The following EXOC6B variants were observed in gnomAD, a reference collection of about 807,000 sequenced individuals.
The protein encoded by EXOC6B is exocyst complex component 6B.
A neutral mutation model predicts 113.5 loss-of-function variants in EXOC6B; 54 were observed. The observed-to-expected ratio is 0.48, with a 90% CI of 0.38 to 0.60. The LOEUF (loss-of-function observed/expected upper bound fraction) is 0.60. EXOC6B is among the 20% of genes least tolerant of loss of function. EXOC6B has a pLI of 0.00. For missense variants in EXOC6B, 797 were observed against 977.5 expected (o/e 0.82, Z 2.46); for synonymous variants, 357 against 339.0 (o/e 1.05, Z -0.58).
chr2:72,261,093 A>T (rs1015511898), intron 20 of EXOC6B, among the ~76,000 whole-genome samples: 2 of 152,198 alleles, frequency 1.3e-5, no homozygotes, highest in Non-Finnish European at 2.9e-5. Flanking sequence ...GAAAAAAGTA[A>T]TCACTCCAAA....
At chr2:72,417,176 C>G (rs1177176462) in intron 18 of EXOC6B, among the ~76,000 whole-genome samples, 1 of 152,184 alleles carries the variant, frequency 6.6e-6, no homozygotes, top group African/African-American at 2.4e-5. Flanking sequence ...AGTTTCAATT[C>G]TTGCTCAAAT....
intron 6 of EXOC6B, among the ~76,000 whole-genome samples, chr2:72,695,161 T>G (rs1232474577): frequency 2.0e-5 from 3 of 152,200 alleles, no homozygotes; most frequent in Non-Finnish European, 4.4e-5. Context: ...TTAATCTCTC[T>G]GGCTACATGG....
At chr2:72,532,889 T>C (rs925188346) in intron 8 of EXOC6B, among the ~76,000 whole-genome samples, 6 of 151,988 alleles carry the variant, frequency 3.9e-5, no homozygotes, top group Non-Finnish European at 8.8e-5. Context: ...ACAGACATAG[T>C]AGCTATCAAG....
intron 20 of EXOC6B, among the ~76,000 whole-genome samples, chr2:72,299,955 T>C (rs1412532994): frequency 6.6e-6 from 1 of 152,198 alleles, no homozygotes. Context: ...GAGGTGTCTG[T>C]TGGCCCCTAG....
Position 72,257,843 on chromosome 2 carries a change from A to G in EXOC6B, c.2197-73656T>C, listed in dbSNP as rs529819235. On this transcript the variant is annotated intron_variant, in intron 20 of 21. Coordinates refer to ENST00000272427, the MANE Select transcript of EXOC6B (RefSeq NM_015189.3). ...TACGAGGTTGATGGGAGGGGGTCACATGGTCCCAGACAGTTTTCTAGTTCC... is the reference window on the plus strand; with the variant it reads ...TACGAGGTTGATGGGAGGGGGTCACGTGGTCCCAGACAGTTTTCTAGTTCC... Among the ~76,000 whole-genome samples the G allele has an allele frequency of 1.9e-4, 29 of 152,282 alleles. 1 individual carries two copies. The highest frequency in any genetic ancestry group is 4.1e-4 in the South Asian group (2 of 4,820).
chr2:72,698,979 C>T (rs928377303), intron 6 of EXOC6B, among the ~76,000 whole-genome samples: 1 of 152,172 alleles, frequency 6.6e-6, no homozygotes, highest in Non-Finnish European at 1.5e-5. Flanking sequence ...ATCTAGAGGG[C>T]TCTCACAAGA....
intron 6 of EXOC6B, among the ~76,000 whole-genome samples, chr2:72,710,237 C>CA (rs1679186207): frequency 6.6e-6 from 1 of 151,888 alleles, no homozygotes; most frequent in East Asian, 1.9e-4. Context: ...GTTAAATGAA[C>CA]AAAAAATAAA....
chr2:72,237,121 G>A (rs1682009056), intron 20 of EXOC6B, among the ~76,000 whole-genome samples: 1 of 152,168 alleles, frequency 6.6e-6, no homozygotes, highest in Admixed American at 6.5e-5. Flanking sequence ...CCCTTAGGTA[G>A]CTCATTCATT....
At chr2:72,474,374 T>G (rs1015914516) in intron 17 of EXOC6B, among the ~76,000 whole-genome samples, 14 of 152,120 alleles carry the variant, frequency 9.2e-5, no homozygotes, top group African/African-American at 3.4e-4. Flanking sequence ...CTTTTTTATT[T>G]CTTTTTGCCT....
At chr2:72,588,631 C>T (rs914845655) in intron 6 of EXOC6B, among the ~76,000 whole-genome samples, 4 of 151,850 alleles carry the variant, frequency 2.6e-5, no homozygotes, top group African/African-American at 9.7e-5. Flanking sequence ...CTTAACACTA[C>T]TGAACTGTAC....
intron 1 of EXOC6B, among the ~76,000 whole-genome samples, chr2:72,792,857 T>C (rs1559006184): frequency 1.3e-5 from 2 of 152,298 alleles, no homozygotes; most frequent in East Asian, 3.9e-4. Context: ...TATTCTCCTT[T>C]ATATTTCACT....
At chr2:72,514,001 A>T (rs1701081352) in intron 10 of EXOC6B, among the ~76,000 whole-genome samples, 1 of 152,134 alleles carries the variant, frequency 6.6e-6, no homozygotes. Context: ...CAAAGTCATT[A>T]TTTTGCAATT....
chr2:72,431,491 A>ATCTATCTATCTATCTATCTATCTC (rs1205034050), intron 18 of EXOC6B, among the ~76,000 whole-genome samples: 78 of 144,238 alleles, frequency 5.4e-4, no homozygotes, highest in African/African-American at 1.8e-3. Flanking sequence ...TTCTTTATCT[A>ATCTATCTATCTATCTATCTATCTC]TCTATCTATC....
In EXOC6B at chr2:72,233,647, A is replaced by G. The variant is rs545672022; in HGVS notation, c.2197-49460T>C. Among the ~76,000 whole-genome samples the G allele has an allele frequency of 1.1e-4, 17 of 152,322 alleles. 1 individual carries two copies. The highest frequency in any genetic ancestry group is 3.6e-4 in the African/African-American group (15 of 41,586). On this transcript the variant is annotated intron_variant, in intron 20 of 21. Coordinates refer to ENST00000272427, the MANE Select transcript of EXOC6B (RefSeq NM_015189.3). ...CTCTACAAGCCTTAGGTCCTAGAGC[A>G]GACCAGAACCAGTGCCATAGCCTCA...
chr2:72,438,963 T>C (rs1225909943), intron 18 of EXOC6B, among the ~76,000 whole-genome samples: 1 of 152,152 alleles, frequency 6.6e-6, no homozygotes, highest in Non-Finnish European at 1.5e-5. Flanking sequence ...TATTAGGAAA[T>C]AGTAAGTTAA....
intron 6 of EXOC6B, among the ~76,000 whole-genome samples, chr2:72,669,875 C>T (rs1399712262): frequency 6.6e-6 from 1 of 152,298 alleles, no homozygotes; most frequent in Non-Finnish European, 1.5e-5. Flanking sequence ...TCCCTGTGGA[C>T]ATTCATGTAA....
At chr2:72,617,517 CT>C (rs201912352) in intron 6 of EXOC6B, among the ~76,000 whole-genome samples, 637 of 96,952 alleles carry the variant, frequency 6.6e-3, no homozygotes, top group African/African-American at 0.02. Flanking sequence ...AATCTTTTTT[CT>C]TTTTTTTTTT....
At chr2:72,823,946 G>A (rs1356366052) in intron 1 of EXOC6B, among the ~76,000 whole-genome samples, 3 of 152,174 alleles carry the variant, frequency 2.0e-5, no homozygotes, top group Non-Finnish European at 4.4e-5. Context: ...AGGAAAATGT[G>A]TGTAGGACCA....
intron 6 of EXOC6B, among the ~76,000 whole-genome samples, chr2:72,653,973 T>TA (rs199708279): frequency 0.099 from 3,078 of 31,216 alleles, 83 homozygotes; most frequent in Admixed American, 0.13. Context: ...TTTATTTATT[T>TA]TTTTTTTTTT....
Sources: gnomAD v4.1 joint callset for allele counts (sites outside exome capture counted in the v4.1 genomes callset) on GRCh38, gnomAD v4.1.1 for gene constraint, MANE v1.5 for transcripts, NCBI Gene and HGNC (gene_info 2026-07-23, HGNC 2026-07-21) for gene names.